Variants in RXFP1 observed in about 807,000 individuals in gnomAD.
The protein encoded by RXFP1 is relaxin family peptide receptor 1.
RXFP1 carries 73 observed loss-of-function variants against 89.8 expected under a neutral mutation model. The ratio of observed to expected loss-of-function variants is 0.81; its 90% CI spans 0.67 to 0.99. RXFP1 has a LOEUF of 0.99. RXFP1 is among the 50% of genes least tolerant of loss of function. RXFP1 has a pLI of 0.00. For missense variants in RXFP1, 793 were observed against 895.5 expected (o/e 0.89, Z 1.46); for synonymous variants, 277 against 305.5 (o/e 0.91, Z 0.97).
At chr4:158,650,586 T>C (rs1772508875) in intron 17 of RXFP1, among the ~76,000 whole-genome samples, 1 of 152,028 alleles carries the variant, frequency 6.6e-6, no homozygotes, top group African/African-American at 2.4e-5. Flanking sequence ...CTGGCCAACA[T>C]GGTGAAACCC....
intron 1 of RXFP1, among the ~76,000 whole-genome samples, chr4:158,553,935 T>A (rs1308193515): frequency 6.6e-6 from 1 of 152,310 alleles, no homozygotes; most frequent in East Asian, 1.9e-4. Flanking sequence ...TATTCGCCAA[T>A]GCTTTGTTCG....
intron 2 of RXFP1, among the ~76,000 whole-genome samples, chr4:158,587,155 G>A (rs1408624387): frequency 1.3e-5 from 2 of 152,200 alleles, no homozygotes; most frequent in South Asian, 2.1e-4. Context: ...GTGGTGCACA[G>A]AGTGAAGCGA....
chr4:158,565,123 C>T (rs904098232), intron 1 of RXFP1, among the ~76,000 whole-genome samples: 6 of 152,184 alleles, frequency 3.9e-5, no homozygotes, highest in Non-Finnish European at 7.4e-5. Flanking sequence ...AAGTGAGAGT[C>T]TGCACTGAGT....
chr4:158,606,066 CTT>C (rs959087175), intron 5 of RXFP1, among the ~76,000 whole-genome samples: 12 of 152,144 alleles, frequency 7.9e-5, no homozygotes, highest in African/African-American at 2.4e-4. Flanking sequence ...ATGAAAATAA[CTT>C]TTCAAAATTT....
intron 11 of RXFP1, among the ~76,000 whole-genome samples, chr4:158,633,074 G>A (rs1324312198): frequency 6.6e-6 from 1 of 152,016 alleles, no homozygotes; most frequent in Admixed American, 6.6e-5. Context: ...GGAGGCTGAG[G>A]CAGGAGAATC....
intron 1 of RXFP1, among the ~76,000 whole-genome samples, chr4:158,539,858 G>T (rs1746171155): frequency 2.0e-5 from 3 of 151,902 alleles, no homozygotes. Context: ...GCTAAAGATG[G>T]AAAAAAAATC....
At chr4:158,551,527 TATAAG>T (rs1410699757) in intron 1 of RXFP1, among the ~76,000 whole-genome samples, 1 of 143,224 alleles carries the variant, frequency 7.0e-6, no homozygotes, top group Non-Finnish European at 1.5e-5. Context: ...AATGCTAGCA[TATAAG>T]ATGATGATTA....
chr4:158,544,896 C>T (rs933820910), intron 1 of RXFP1, among the ~76,000 whole-genome samples: 12 of 152,134 alleles, frequency 7.9e-5, no homozygotes, highest in Admixed American at 3.3e-4. Flanking sequence ...TGAATAGTGC[C>T]GCAATAAACA....
Position 158,646,849 on chromosome 4 carries a change from T to C in RXFP1, c.1404T>C (p.Phe468=). 2 of 1,614,138 alleles carry C rather than the reference T, an allele frequency of 1.2e-6. No individual in the cohort carries two copies. The highest frequency in any genetic ancestry group is 2.2e-5 in the South Asian group (2 of 91,076). The change falls in exon 16 of 18, where the codon TTT becomes TTC. Residue 468 remains phenylalanine, a synonymous_variant. Coordinates refer to ENST00000307765, the MANE Select transcript of RXFP1 (RefSeq NM_021634.4). ...TGATCGGAGGCTTTGACCTAAAGTT[T>C]CGTGGAGAATACAATAAGCATGCGC... ...LFVIGGFDLK[F]RGEYNKHAQL... is the part of the protein sequence containing the mutation.
intron 2 of RXFP1, among the ~76,000 whole-genome samples, chr4:158,592,861 C>T (rs530076230): frequency 2.4e-4 from 36 of 151,624 alleles, no homozygotes; most frequent in African/African-American, 7.7e-4. Context: ...GGGGCCGAGG[C>T]GGACAGATTT....
chr4:158,624,806 C>G (rs1409379009), intron 9 of RXFP1, among the ~76,000 whole-genome samples: 1 of 152,020 alleles, frequency 6.6e-6, no homozygotes, highest in African/African-American at 2.4e-5. Context: ...AGAAACACAT[C>G]ATACAAATGT....
intron 2 of RXFP1, among the ~76,000 whole-genome samples, chr4:158,587,233 A>G (rs1013222223): frequency 6.6e-6 from 1 of 152,226 alleles, no homozygotes; most frequent in Non-Finnish European, 1.5e-5. Flanking sequence ...CACCTTCTGC[A>G]GATATGCATG....
intron 1 of RXFP1, among the ~76,000 whole-genome samples, chr4:158,555,910 G>A (rs565319725): frequency 6.6e-6 from 1 of 152,114 alleles, no homozygotes; most frequent in South Asian, 2.1e-4. Flanking sequence ...CCTCCCTCTT[G>A]CAATATACAA....
chr4:158,567,621 C>T (rs1011771045), intron 1 of RXFP1, among the ~76,000 whole-genome samples: 13 of 152,110 alleles, frequency 8.5e-5, no homozygotes, highest in African/African-American at 2.9e-4. Flanking sequence ...TGTGAATGCA[C>T]CAATCAGCAC....
At chr4:158,572,037 C>A (rs1755176179) in intron 1 of RXFP1, among the ~76,000 whole-genome samples, 1 of 152,260 alleles carries the variant, frequency 6.6e-6, no homozygotes, top group East Asian at 1.9e-4. Flanking sequence ...ATGTAAATGA[C>A]ACACCTGGTG....
intron 8 of RXFP1, among the ~76,000 whole-genome samples, 177 bp from the exon 9 acceptor site, chr4:158,616,954 G>A (rs760195429): frequency 2.7e-5 from 4 of 149,464 alleles, no homozygotes; most frequent in Non-Finnish European, 4.4e-5. Context: ...AGCTGAGATC[G>A]TGTCACACCA....
intron 1 of RXFP1, among the ~76,000 whole-genome samples, chr4:158,545,242 G>A (rs1291057594): frequency 6.6e-6 from 1 of 152,070 alleles, no homozygotes; most frequent in Non-Finnish European, 1.5e-5. Context: ...CTGCATAAAT[G>A]TCTTCTTTTG....
intron 3 of RXFP1, among the ~76,000 whole-genome samples, chr4:158,597,619 G>A (rs1271881926): frequency 6.6e-6 from 1 of 151,872 alleles, no homozygotes; most frequent in Admixed American, 6.6e-5. Context: ...CTTGGCTGTT[G>A]GATATTTATG....
intron 1 of RXFP1, among the ~76,000 whole-genome samples, chr4:158,547,579 G>C (rs1279318345): frequency 6.6e-6 from 1 of 151,830 alleles, no homozygotes; most frequent in Non-Finnish European, 1.5e-5. Flanking sequence ...TTTCTCTGGT[G>C]GGCATTTAGT....
Sources: gnomAD v4.1 joint callset for allele counts (sites outside exome capture counted in the v4.1 genomes callset) on GRCh38, gnomAD v4.1.1 for gene constraint, MANE v1.5 for transcripts, NCBI Gene and HGNC (gene_info 2026-07-23, HGNC 2026-07-21) for gene names.